The following AGAP1 variants were observed in gnomAD, a reference collection of about 807,000 sequenced individuals.
AGAP1 encodes the protein ArfGAP with GTPase domain, ankyrin repeat and PH domain 1.
A neutral mutation model predicts 105.3 loss-of-function variants in AGAP1; 29 were observed. That is an observed-to-expected ratio of 0.28 (90% CI 0.21 to 0.38). The LOEUF (loss-of-function observed/expected upper bound fraction) is 0.38. Among genes scored for constraint, AGAP1 ranks in the 10% least tolerant of loss-of-function variants. The pLI is 1.00. For synonymous variants in AGAP1, 509 were observed against 485.9 expected, an observed-to-expected ratio of 1.05 and a Z score of -0.63; for missense variants, 998 against 1,165.1, an observed-to-expected ratio of 0.86 and a Z score of 2.09.
At position 235,959,911 on chromosome 2, in the gene AGAP1, G is replaced by A. The variant is rs1458605326; in HGVS notation, c.1484-8551G>A. On this transcript the variant is annotated intron_variant, in intron 12 of 17. Transcript: ENST00000304032. The surrounding 1 kb of genome is among the most constrained non-coding windows in gnomAD (Gnocchi z 7.3). ...TTGAGTGCCTCCCTTTTGGGCCACC[G>A]TAGACACCCCACCTCTGAGTGGTCA... 1.3e-5 allele frequency among the ~76,000 whole-genome samples: 2 copies of A among 151,616 alleles called. No individual in the cohort carries two copies. Among genetic ancestry groups the A allele is most frequent in the African/African-American group, 2.4e-5 (1 of 41,358 alleles).
At position 235,720,656 on chromosome 2, in the gene AGAP1, C is replaced by G. The variant is rs1951335988; in HGVS notation, c.310+3012C>G. ...GTGTATCTGCCTGTCCAGATAGTTC[C>G]TTGGATTCTCCCTGCGCTTCTTAAT... On this transcript the variant is annotated intron_variant, in intron 3 of 17. Transcript: ENST00000304032. This position sits in a 1 kb window ranked among gnomAD's most constrained non-coding sequence, Gnocchi z 5.0. The G allele has an allele frequency of 5.1e-6, 5 of 985,378 alleles. No individual in the cohort carries two copies. Among genetic ancestry groups the G allele is most frequent in the Non-Finnish European group, 6.0e-6 (5 of 829,898 alleles). 61.0% of individuals were successfully genotyped at this position (985,378 alleles called of 1,614,324 possible). A position where few individuals can be genotyped will look rare whatever the true frequency, so the allele number is the denominator to read the frequency against.
In AGAP1 at chr2:235,517,829, C is replaced by T. The variant is rs569639270; in HGVS notation, c.163+22980C>T. On this transcript the variant is annotated intron_variant, in intron 1 of 17. Coordinates refer to ENST00000304032, the MANE Select transcript of AGAP1 (RefSeq NM_001037131.3). This position sits in a 1 kb window ranked among gnomAD's most constrained non-coding sequence, Gnocchi z 4.1. Reference sequence around the variant, plus strand: ...GCGTGTGCCTGTAACCCCAGCTACACGGGAGGCTGAGGCAGGAGAATCTCT... The same window carrying T: ...GCGTGTGCCTGTAACCCCAGCTACATGGGAGGCTGAGGCAGGAGAATCTCT... Among the ~76,000 whole-genome samples the T allele has an allele frequency of 6.7e-5, 10 of 149,486 alleles. No individual in the cohort carries two copies. The highest frequency in any genetic ancestry group is 4.2e-4 in the South Asian group (2 of 4,706).
intron 12 of AGAP1, among the ~76,000 whole-genome samples, chr2:235,933,150 G>A (rs2052805877): frequency 6.6e-6 from 1 of 152,188 alleles, no homozygotes; most frequent in Admixed American, 6.5e-5. Flanking sequence ...AGGATTGATA[G>A]AGTTGATCAA....
chr2:235,648,164 T>A (rs535513771), intron 1 of AGAP1, among the ~76,000 whole-genome samples: 1 of 152,312 alleles, frequency 6.6e-6, no homozygotes, highest in Non-Finnish European at 1.5e-5. Context: ...CCATGCTGCC[T>A]CCATCTCTTT....
Position 236,005,211 on chromosome 2 carries a change from A to T in AGAP1, c.1646-31350A>T, listed in dbSNP as rs530179161. Among the ~76,000 whole-genome samples, 2 of 152,006 alleles carry T rather than the reference A, an allele frequency of 1.3e-5. No individual in the cohort carries two copies. Among genetic ancestry groups the T allele is most frequent in the African/African-American group, 4.8e-5 (2 of 41,382 alleles). ...ACCCAGGCTGGAGTGCAATGGTGCA[A>T]TCTTGGCTCTTGCAACCTCCGCCTC... On this transcript the variant is annotated intron_variant, in intron 13 of 17. Coordinates refer to ENST00000304032, the MANE Select transcript of AGAP1 (RefSeq NM_001037131.3). The surrounding 1 kb of genome is among the most constrained non-coding windows in gnomAD (Gnocchi z 4.1).
chr2:235,932,612 C>T (rs1487167637), intron 12 of AGAP1, among the ~76,000 whole-genome samples: 1 of 152,218 alleles, frequency 6.6e-6, no homozygotes, highest in Non-Finnish European at 1.5e-5. Context: ...CAAGCAGCCT[C>T]TGCTGAGTGA....
rs374260040 is a variant in AGAP1 at position 235,930,797 on chromosome 2, G to A, written c.1357G>A (p.Ala453Thr). 6.1e-5 allele frequency: 99 copies of A among 1,614,012 alleles called. No individual in the cohort carries two copies. The highest frequency in any genetic ancestry group is 3.4e-4 in the South Asian group (31 of 91,062). ...CACTAGTGCATCTGGGTCTCAGATG[G>A]CAAGCGGCATCAGCCTGGTCTCCTT... ...NVTSASGSQMASGISLVSFNS... is the reference protein window; with the variant it reads ...NVTSASGSQMTSGISLVSFNS... Residue 453 changes from alanine to threonine, a missense_variant, in exon 12 of 18, where the codon GCA becomes ACA. Coordinates refer to ENST00000304032, the MANE Select transcript of AGAP1 (RefSeq NM_001037131.3). The surrounding 1 kb of genome is among the most constrained non-coding windows in gnomAD (Gnocchi z 7.9).
chr2:236,085,751 A>G (rs1376647318), intron 16 of AGAP1, among the ~76,000 whole-genome samples: 3 of 152,232 alleles, frequency 2.0e-5, no homozygotes, highest in Non-Finnish European at 2.9e-5. Flanking sequence ...CCCCAGGGGC[A>G]TCATGTGGTT....
Position 235,783,890 on chromosome 2 carries a change from A to G in AGAP1, c.674-13869A>G, listed in dbSNP as rs79550346. Among the ~76,000 whole-genome samples, 133 of 152,334 alleles carry G rather than the reference A, an allele frequency of 8.7e-4. 1 individual carries two copies. Among genetic ancestry groups the G allele is most frequent in the African/African-American group, 3.1e-3 (127 of 41,572 alleles). The stretch of plus-strand genomic sequence containing the variant: ...TCTCAAAAAAAGAACCTAATAGTTA[A>G]TCACGTGCATGTTGAAATGTGTGGG... On this transcript the variant is annotated intron_variant, in intron 6 of 17. Transcript: ENST00000304032.
rs1299207150 is a variant in AGAP1 at position 235,691,323 on chromosome 2, G to C, written c.164-17856G>C. 2.0e-5 allele frequency among the ~76,000 whole-genome samples: 3 copies of C among 152,246 alleles called. No homozygotes were observed. Among genetic ancestry groups the C allele is most frequent in the African/African-American group, 7.2e-5 (3 of 41,462 alleles). On this transcript the variant is annotated intron_variant, in intron 1 of 17. Coordinates refer to ENST00000304032, the MANE Select transcript of AGAP1 (RefSeq NM_001037131.3). This position sits in a 1 kb window ranked among gnomAD's most constrained non-coding sequence, Gnocchi z 4.4. ...GGCAGTGGATGCTACCCTGTTGGTG[G>C]CAAGTTAGAAAGGCACACGTTGGTA...
intron 9 of AGAP1, among the ~76,000 whole-genome samples, chr2:235,880,171 T>A (rs2049939233): frequency 6.6e-6 from 1 of 151,596 alleles, no homozygotes; most frequent in Non-Finnish European, 1.5e-5. Flanking sequence ...TGCCTCCCGA[T>A]TAGACTGTTT....
At position 235,883,066 on chromosome 2, in the gene AGAP1, TAC is replaced by T. The variant is rs752035088; in HGVS notation, c.1051-276_1051-275del. ...CGAACTCTTGGGCTCAAACGATCCT[TAC>T]ACCGTGCCCAGCCTGGGGTTTCTTT... On this transcript the variant is annotated intron_variant, in intron 9 of 17. Coordinates refer to ENST00000304032, the MANE Select transcript of AGAP1 (RefSeq NM_001037131.3). The surrounding 1 kb of genome is among the most constrained non-coding windows in gnomAD (Gnocchi z 4.5). 4.6e-5 allele frequency among the ~76,000 whole-genome samples: 7 copies of T among 151,676 alleles called. No homozygotes were observed. The highest frequency in any genetic ancestry group is 7.4e-5 in the Non-Finnish European group (5 of 67,928).
chr2:235,652,233 A>G (rs1011441056), intron 1 of AGAP1, among the ~76,000 whole-genome samples: 1 of 151,986 alleles, frequency 6.6e-6, no homozygotes, highest in African/African-American at 2.4e-5. Flanking sequence ...GGAGCAGCCC[A>G]CCTGTCACTC....
chr2:235,907,949 C>T (rs1230546986), intron 10 of AGAP1, among the ~76,000 whole-genome samples: 7 of 151,970 alleles, frequency 4.6e-5, no homozygotes, highest in Non-Finnish European at 1.5e-5. Context: ...AGTCTCATTA[C>T]CAGAAATAAT....
At chr2:235,602,640 C>T (rs1443698154) in intron 1 of AGAP1, among the ~76,000 whole-genome samples, 1 of 152,210 alleles carries the variant, frequency 6.6e-6, no homozygotes, top group East Asian at 1.9e-4. Flanking sequence ...ATGTTTCCTC[C>T]ACCTCCACAG....
Position 235,968,605 on chromosome 2 carries a change from C to G in AGAP1, c.1627C>G (p.Leu543Val), listed in dbSNP as rs977379729. 1 of 1,608,312 alleles carries G rather than the reference C, an allele frequency of 6.2e-7. No individual in the cohort carries two copies. Among genetic ancestry groups the G allele is most frequent in the African/African-American group, 1.4e-5 (1 of 73,986 alleles). The change falls in exon 13 of 18, where the codon CTG becomes GTG. Residue 543 changes from leucine to valine, a missense_variant. Transcript: ENST00000304032. ...KSTSNFKADG[L>V]SGTAEEQEEN... ...CACTAGCAACTTCAAAGCCGACGGC[C>G]TGTCCGGCACTGCTGAAGGTAAGGG...
rs866615216 is a variant in AGAP1 at position 235,728,301 on chromosome 2, C to G, written c.310+10657C>G. ...ATCTGAAAAGGACTGGGCCCAGACT[C>G]TGTGTGTGTGTGTGTGTGTGTGTGT... On this transcript the variant is annotated intron_variant, in intron 3 of 17. Transcript: ENST00000304032. This position sits in a 1 kb window ranked among gnomAD's most constrained non-coding sequence, Gnocchi z 4.3. 6.4e-4 allele frequency among the ~76,000 whole-genome samples: 95 copies of G among 148,618 alleles called. No individual in the cohort carries two copies. Among genetic ancestry groups the G allele is most frequent in the African/African-American group, 1.7e-3 (67 of 40,264 alleles).
chr2:236,021,165 C>CA (rs1226322235), intron 13 of AGAP1, among the ~76,000 whole-genome samples: 14,936 of 75,816 alleles, frequency 0.2, 925 homozygotes, highest in Middle Eastern at 0.25. Context: ...GATTCTGTCT[C>CA]AAAAAAAAAA....
rs1015286004 is a variant in AGAP1, at chr2:235,775,675, A to G, written c.674-22084A>G. ...TACATACCTGGTCACGCTCTAATTT[A>G]GTAATGATGATACTTTGCTGTTATA... is the stretch of plus-strand genomic sequence containing the variant. On this transcript the variant is annotated intron_variant, in intron 6 of 17. Coordinates refer to ENST00000304032, the MANE Select transcript of AGAP1 (RefSeq NM_001037131.3). 3.3e-5 allele frequency: 5 copies of G among 152,228 alleles called. No individual in the cohort carries two copies. The East Asian group carries it at 9.7e-4, about 29-fold the overall frequency. The allele number at this position is 152,228 out of a possible 1,614,324, so 9.4% of individuals were successfully genotyped here.
Sources: gnomAD v4.1 joint callset for allele counts (sites outside exome capture counted in the v4.1 genomes callset) on GRCh38, gnomAD v4.1.1 for gene constraint, Gnocchi (gnomAD v3.1) non-coding constraint, MANE v1.5 for transcripts, NCBI Gene and HGNC (gene_info 2026-07-23, HGNC 2026-07-21) for gene names.